Variants in RAD51B observed in about 807,000 individuals in gnomAD.
RAD51B encodes the protein DNA repair protein RAD51 homolog 2.
RAD51B carries 38 observed loss-of-function variants against 42.2 expected under a neutral mutation model. The observed-to-expected ratio is 0.90, with a 90% confidence interval of 0.70 to 1.18. The LOEUF (loss-of-function observed/expected upper bound fraction) is 1.18. Ranked by LOEUF, RAD51B falls within the 50% of genes most tolerant of loss-of-function variation. The pLI, the probability that RAD51B is intolerant of heterozygous loss-of-function variation, is 0.00. For synonymous variants in RAD51B, 154 were observed against 145.2 expected, an observed-to-expected ratio of 1.06 and a Z score of -0.43; for missense variants, 373 against 400.7, an observed-to-expected ratio of 0.93 and a Z score of 0.59.
At chr14:68,470,812 G>A in intron 10 of RAD51B, 1 of 407,336 alleles carries the variant, frequency 2.5e-6, no homozygotes, top group East Asian at 4.3e-5. Context: ...TAACCATCCT[G>A]CGGGATCTCT....
intron 7 of RAD51B, among the ~76,000 whole-genome samples, chr14:67,958,052 A>T (rs1219556023): frequency 1.3e-5 from 2 of 152,148 alleles, no homozygotes; most frequent in East Asian, 3.9e-4. Context: ...GTAAATATTT[A>T]GCTGTTGTTG....
intron 9 of RAD51B, among the ~76,000 whole-genome samples, chr14:68,455,628 G>A (rs2085665046): frequency 6.6e-6 from 1 of 152,160 alleles, no homozygotes; most frequent in Admixed American, 6.5e-5. Flanking sequence ...GCTGAGGCAG[G>A]AGAATGGCAT....
intron 7 of RAD51B, among the ~76,000 whole-genome samples, chr14:67,946,273 T>C (rs1252649789): frequency 1.3e-5 from 2 of 152,230 alleles, no homozygotes; most frequent in Non-Finnish European, 2.9e-5. Context: ...GGAAAAGTTG[T>C]TATGTCTCTT....
At chr14:68,044,776 C>G (rs1406324347) in intron 7 of RAD51B, among the ~76,000 whole-genome samples, 4 of 151,968 alleles carry the variant, frequency 2.6e-5, no homozygotes, top group African/African-American at 9.7e-5. Context: ...CTCTTTCTTA[C>G]TGGCTATAAT....
At chr14:68,463,244 A>C (rs951167434) in intron 9 of RAD51B, among the ~76,000 whole-genome samples, 3 of 152,316 alleles carry the variant, frequency 2.0e-5, no homozygotes, top group Admixed American at 2.0e-4. Flanking sequence ...CAGATCAAAA[A>C]AAGGGAGGAA....
At chr14:68,552,570 A>C (rs879720476) in intron 10 of RAD51B, among the ~76,000 whole-genome samples, 1 of 152,232 alleles carries the variant, frequency 6.6e-6, no homozygotes. Context: ...ATCCATTACC[A>C]AATAGTTCCC....
chr14:67,901,266 C>A (rs796564311), intron 7 of RAD51B, among the ~76,000 whole-genome samples: 1 of 152,106 alleles, frequency 6.6e-6, no homozygotes, highest in African/African-American at 2.4e-5. Context: ...AACCACAATG[C>A]GAATGTCATG....
chr14:67,945,194 A>T (rs975996862), intron 7 of RAD51B, among the ~76,000 whole-genome samples: 2 of 152,188 alleles, frequency 1.3e-5, no homozygotes, highest in African/African-American at 4.8e-5. Context: ...TAAAGCAAGA[A>T]GGTGTTAGTT....
chr14:68,023,811 A>G (rs1384500354), intron 7 of RAD51B, among the ~76,000 whole-genome samples: 1 of 146,314 alleles, frequency 6.8e-6, no homozygotes, highest in East Asian at 1.9e-4. Context: ...TACTCTGTTG[A>G]TAGTTTCTTT....
intron 7 of RAD51B, among the ~76,000 whole-genome samples, chr14:68,166,459 A>G (rs2078754973): frequency 6.6e-6 from 1 of 152,114 alleles, no homozygotes; most frequent in Non-Finnish European, 1.5e-5. Flanking sequence ...AGAGTATAGT[A>G]AAAAAATTGA....
intron 9 of RAD51B, among the ~76,000 whole-genome samples, chr14:68,460,556 G>A (rs2085818576): frequency 6.6e-6 from 1 of 152,182 alleles, no homozygotes. Context: ...GCCACCCATG[G>A]AGAAGGACTG....
At chr14:68,307,583 G>A (rs2081893422) in intron 8 of RAD51B, among the ~76,000 whole-genome samples, 1 of 152,144 alleles carries the variant, frequency 6.6e-6, no homozygotes, top group South Asian at 2.1e-4. Flanking sequence ...TTTGGGACTT[G>A]CACCAATTAA....
intron 5 of RAD51B, among the ~76,000 whole-genome samples, chr14:67,874,018 GC>G (rs1428917022): frequency 2.6e-5 from 4 of 151,540 alleles, no homozygotes; most frequent in Non-Finnish European, 4.4e-5. Context: ...CAGCGCAGCA[GC>G]ATGGCACATG....
intron 9 of RAD51B, among the ~76,000 whole-genome samples, chr14:68,438,857 A>G (rs574338059): frequency 6.6e-6 from 1 of 152,268 alleles, no homozygotes; most frequent in African/African-American, 2.4e-5. Context: ...AGCAAATGTA[A>G]AGTCCAGGGG....
chr14:68,511,527 C>T (rs1224828132), intron 10 of RAD51B, among the ~76,000 whole-genome samples: 6 of 152,202 alleles, frequency 3.9e-5, no homozygotes, highest in Admixed American at 3.9e-4. Context: ...TGATGGCTAC[C>T]TTCCAGAACC....
chr14:68,288,624 G>A (rs970671234), intron 7 of RAD51B, among the ~76,000 whole-genome samples: 17 of 152,236 alleles, frequency 1.1e-4, no homozygotes, highest in African/African-American at 4.1e-4. Context: ...CCAGTGAAGT[G>A]AGAATAAAAC....
intron 7 of RAD51B, among the ~76,000 whole-genome samples, chr14:68,024,680 T>C (rs987670399): frequency 1.3e-5 from 2 of 152,196 alleles, no homozygotes; most frequent in Non-Finnish European, 2.9e-5. Context: ...TTTTTATACA[T>C]TGATTTTTTT....
intron 10 of RAD51B, among the ~76,000 whole-genome samples, chr14:68,587,184 G>T (rs549750604): frequency 3.9e-5 from 6 of 152,302 alleles, no homozygotes; most frequent in African/African-American, 1.2e-4. Context: ...ACACAAAAGA[G>T]GGGGAGAGTG....
At chr14:68,613,570 C>T (rs554657320), downstream of RAD51B, among the ~76,000 whole-genome samples, 1 of 151,928 alleles carries the variant, frequency 6.6e-6, no homozygotes, top group South Asian at 2.1e-4. Flanking sequence ...TCTCCTGCCT[C>T]AGCTTCCTGA....
Sources: allele counts gnomAD v4.1 joint callset (sites outside exome capture counted in the v4.1 genomes callset), GRCh38; gene constraint gnomAD v4.1.1; transcripts MANE v1.5; gene names NCBI Gene and HGNC (gene_info 2026-07-23, HGNC 2026-07-21).